Variants in HACE1 observed in about 807,000 individuals in gnomAD.
The protein encoded by HACE1 is HECT domain and ankyrin repeat containing E3 ubiquitin protein ligase 1.
A neutral mutation model predicts 118.4 loss-of-function variants in HACE1; 73 were observed. The ratio of observed to expected loss-of-function variants is 0.62; its 90% CI spans 0.51 to 0.75. The LOEUF (loss-of-function observed/expected upper bound fraction) is 0.75. HACE1 is among the 30% of genes least tolerant of loss of function. The probability of loss-of-function intolerance (pLI) is 0.00; values close to 1 mark genes in which losing one functional copy is unlikely to be tolerated. For missense variants in HACE1, 749 were observed against 1,102.2 expected (o/e 0.68, Z 4.54); for synonymous variants, 368 against 374.8 (o/e 0.98, Z 0.21).
At chr6:104,803,369 A>C (rs932623489) in intron 7 of HACE1, among the ~76,000 whole-genome samples, 2 of 152,170 alleles carry the variant, frequency 1.3e-5, no homozygotes, top group Non-Finnish European at 2.9e-5. Flanking sequence ...TTTTATGAGG[A>C]CAGCATCATC....
At chr6:104,806,852 T>A (rs929250956) in intron 7 of HACE1, among the ~76,000 whole-genome samples, 3 of 152,100 alleles carry the variant, frequency 2.0e-5, no homozygotes, top group Non-Finnish European at 4.4e-5. Context: ...TCAAACACTT[T>A]CGGCCCCCTA....
intron 6 of HACE1, among the ~76,000 whole-genome samples, chr6:104,832,006 G>C (rs1242269352): frequency 2.2e-5 from 3 of 138,358 alleles, no homozygotes; most frequent in African/African-American, 7.7e-5. Context: ...AAGGAAGGAA[G>C]GAAGGAAGGA....
intron 1 of HACE1, among the ~76,000 whole-genome samples, chr6:104,854,032 T>C (rs1194931648): frequency 1.3e-5 from 2 of 152,216 alleles, no homozygotes; most frequent in East Asian, 1.9e-4. Context: ...CAAAATATTG[T>C]GCTGTGCCTC....
rs942838051 is a variant in HACE1 at position 104,805,646 on chromosome 6, T to C, written c.617+5665A>G. 1.2e-4 allele frequency among the ~76,000 whole-genome samples: 18 copies of C among 152,050 alleles called. 1 individual carries two copies. In the East Asian group the frequency reaches 1.9e-3, roughly 16 times the overall value. On this transcript the variant is annotated intron_variant, in intron 7 of 23. Transcript: ENST00000262903. Reference sequence around the variant, plus strand: ...GCATGTTCTCACTCATAGGTGGGAATTGAACAATGAGAACACTTGGACACA... The same window carrying C: ...GCATGTTCTCACTCATAGGTGGGAACTGAACAATGAGAACACTTGGACACA...
At chr6:104,796,320 A>G (rs1296026269) in intron 9 of HACE1, among the ~76,000 whole-genome samples, 1 of 151,982 alleles carries the variant, frequency 6.6e-6, no homozygotes, top group Non-Finnish European at 1.5e-5. Context: ...TTGTTGCCCA[A>G]GCTAGTCTCA....
In HACE1 at chr6:104,833,180, A is replaced by G. The variant is rs1290302517; in HGVS notation, c.403-7T>C. ...TCACAGCCAGCCAATGTATCTGTGA[A>G]GCCATTTAGTTACTTAACATTTGTG... On this transcript the variant is annotated splice_region_variant and splice_polypyrimidine_tract_variant and intron_variant, in intron 5 of 23. Coordinates refer to ENST00000262903, the MANE Select transcript of HACE1 (RefSeq NM_020771.4). The G allele has an allele frequency of 1.2e-6, 2 of 1,612,708 alleles. No individual in the cohort carries two copies. Among genetic ancestry groups the G allele is most frequent in the Non-Finnish European group, 1.7e-6 (2 of 1,178,708 alleles).
At chr6:104,842,090 A>T (rs1344172681) in intron 5 of HACE1, among the ~76,000 whole-genome samples, 3 of 152,230 alleles carry the variant, frequency 2.0e-5, no homozygotes. Flanking sequence ...GGATTGCTTG[A>T]GGCCAAGAGT....
At chr6:104,799,175 T>A (rs1164296866) in intron 7 of HACE1, among the ~76,000 whole-genome samples, 3 of 152,244 alleles carry the variant, frequency 2.0e-5, no homozygotes, top group Non-Finnish European at 4.4e-5. Context: ...ACGGTGACAC[T>A]GTTATAAGCA....
intron 22 of HACE1, among the ~76,000 whole-genome samples, chr6:104,733,502 CTTAGA>C (rs1365777070): frequency 6.6e-6 from 1 of 152,112 alleles, no homozygotes; most frequent in Non-Finnish European, 1.5e-5. Flanking sequence ...TATTATGACA[CTTAGA>C]TTATACAGTA....
At chr6:104,743,238 A>G (rs1055692584) in intron 22 of HACE1, among the ~76,000 whole-genome samples, 14 of 151,378 alleles carry the variant, frequency 9.2e-5, no homozygotes, top group African/African-American at 3.4e-4. Flanking sequence ...GGTGCAGCGC[A>G]CCAGCATGGC....
intron 19 of HACE1, among the ~76,000 whole-genome samples, chr6:104,763,129 TC>T (rs1259780090): frequency 3.3e-5 from 5 of 152,006 alleles, no homozygotes; most frequent in African/African-American, 9.7e-5. Context: ...GAATATACTA[TC>T]TAAAATGCAA....
intron 11 of HACE1, among the ~76,000 whole-genome samples, chr6:104,790,550 CGA>C (rs1452227475): frequency 6.6e-6 from 1 of 152,086 alleles, no homozygotes; most frequent in Non-Finnish European, 1.5e-5. Context: ...CCCAGGAGTT[CGA>C]GACTAGCCTG....
At chr6:104,850,076 A>G (rs189077200) in intron 3 of HACE1, among the ~76,000 whole-genome samples, 1 of 151,588 alleles carries the variant, frequency 6.6e-6, no homozygotes, top group African/African-American at 2.4e-5. Context: ...CAGCCTCCCA[A>G]GTAGCTGGGA....
intron 19 of HACE1, among the ~76,000 whole-genome samples, chr6:104,751,979 A>C (rs1778103778): frequency 6.6e-6 from 1 of 151,698 alleles, no homozygotes; most frequent in Non-Finnish European, 1.5e-5. Flanking sequence ...AGGGGAAAAA[A>C]AGACCAAAAA....
At chr6:104,735,609 C>T (rs536696684) in intron 22 of HACE1, among the ~76,000 whole-genome samples, 2 of 150,922 alleles carry the variant, frequency 1.3e-5, no homozygotes, top group East Asian at 1.9e-4. Flanking sequence ...CCAGCCTGGA[C>T]GACAGAGCGA....
At chr6:104,819,275 C>T (rs1772436525) in intron 6 of HACE1, among the ~76,000 whole-genome samples, 2 of 152,116 alleles carry the variant, frequency 1.3e-5, no homozygotes, top group Admixed American at 6.5e-5. Context: ...CAAGAATGAA[C>T]TCCCATTCAC....
At chr6:104,756,049 G>A (rs1295497370) in intron 19 of HACE1, among the ~76,000 whole-genome samples, 1 of 152,012 alleles carries the variant, frequency 6.6e-6, no homozygotes, top group Non-Finnish European at 1.5e-5. Flanking sequence ...GACTAATGAA[G>A]AAAAGTGAGA....
At chr6:104,782,470 A>G (rs1345176702) in intron 14 of HACE1, 2 of 152,198 alleles carry the variant, frequency 1.3e-5, no homozygotes, top group African/African-American at 4.8e-5. Context: ...AGTGACAGGT[A>G]AAACCCTGTG....
intron 1 of HACE1, among the ~76,000 whole-genome samples, chr6:104,858,068 T>C (rs576365823): frequency 6.6e-6 from 1 of 152,278 alleles, no homozygotes; most frequent in Non-Finnish European, 1.5e-5. Flanking sequence ...ACACTGTTTA[T>C]AACTGGATGG....
Sources: allele counts gnomAD v4.1 joint callset (sites outside exome capture counted in the v4.1 genomes callset), GRCh38; gene constraint gnomAD v4.1.1; transcripts MANE v1.5; gene names NCBI Gene and HGNC (gene_info 2026-07-23, HGNC 2026-07-21).